NRXN1: variants seen among roughly 807,000 people sequenced by gnomAD.
The protein encoded by NRXN1 is neurexin 1, also known as neurexin-1.
A neutral mutation model predicts 150.9 loss-of-function variants in NRXN1; 39 were observed. That is an observed-to-expected ratio of 0.26 (90% confidence interval 0.20 to 0.34). NRXN1 has a LOEUF of 0.34. Ranked by LOEUF, NRXN1 falls within the 10% of genes least tolerant of loss-of-function variation. The pLI is 1.00. For synonymous variants in NRXN1, 924 were observed against 757.0 expected (o/e 1.22, Z -3.62); for missense variants, 1,815 against 1,949.9 (o/e 0.93, Z 1.30).
chr2:50,158,682 T>A (rs538040399), intron 18 of NRXN1, among the ~76,000 whole-genome samples: 2 of 152,246 alleles, frequency 1.3e-5, no homozygotes, highest in East Asian at 3.9e-4. Flanking sequence ...TGCAGCTGTA[T>A]CTTGTTGCAT....
At chr2:50,603,034 C>G (rs1676526042) in intron 8 of NRXN1, among the ~76,000 whole-genome samples, 1 of 152,162 alleles carries the variant, frequency 6.6e-6, no homozygotes. Flanking sequence ...TAACATCTAT[C>G]CTCTGGAAGA....
intron 17 of NRXN1, among the ~76,000 whole-genome samples, chr2:50,281,957 T>C (rs1319410853): frequency 6.6e-6 from 1 of 152,132 alleles, no homozygotes; most frequent in Non-Finnish European, 1.5e-5. Context: ...AAAATTTTAT[T>C]AATATTGAGA....
At chr2:50,385,164 C>A (rs541553209) in intron 17 of NRXN1, among the ~76,000 whole-genome samples, 1 of 152,242 alleles carries the variant, frequency 6.6e-6, no homozygotes, top group East Asian at 1.9e-4. Flanking sequence ...CTTCAATTTC[C>A]CCCAACTTTC....
intron 22 of NRXN1, among the ~76,000 whole-genome samples, chr2:49,931,738 G>C (rs1670154338): frequency 6.6e-6 from 1 of 152,028 alleles, no homozygotes; most frequent in Non-Finnish European, 1.5e-5. Context: ...CCAGAAAAAT[G>C]CAAGAAGAGT....
chr2:50,499,523 T>G (rs2091829926), intron 13 of NRXN1, among the ~76,000 whole-genome samples: 1 of 152,136 alleles, frequency 6.6e-6, no homozygotes, highest in Non-Finnish European at 1.5e-5. Context: ...TTCAATGACC[T>G]CAATATTGTT....
At chr2:50,350,876 T>C (rs938124110) in intron 17 of NRXN1, among the ~76,000 whole-genome samples, 4 of 152,034 alleles carry the variant, frequency 2.6e-5, no homozygotes, top group African/African-American at 9.7e-5. Context: ...AAAGAAGAAA[T>C]TGTAGCTGTA....
chr2:50,568,595 C>G lies in NRXN1; in HGVS notation c.1321-15570G>C, dbSNP rs72618639. Among the ~76,000 whole-genome samples, 4,587 of 152,204 alleles carry G rather than the reference C, an allele frequency of 0.03. 429 individuals are homozygous for G. The East Asian group carries it at 0.31, about 10-fold the overall frequency. ...GCAAATCAAAACTGCAATGAGATAT[C>G]AACTCATTCCAGTTAAAATGCCTTT... is the stretch of plus-strand genomic sequence containing the variant. On this transcript the variant is annotated intron_variant, in intron 8 of 22. Coordinates refer to ENST00000401669, the MANE Select transcript of NRXN1 (RefSeq NM_001330078.2).
At chr2:50,457,806 G>A (rs1011285798) in intron 17 of NRXN1, among the ~76,000 whole-genome samples, 3 of 151,914 alleles carry the variant, frequency 2.0e-5, no homozygotes, top group African/African-American at 4.8e-5. Context: ...CAGTTAATAT[G>A]GCTATTATAA....
At chr2:50,219,504 A>G (rs2063648536) in intron 18 of NRXN1, among the ~76,000 whole-genome samples, 1 of 151,984 alleles carries the variant, frequency 6.6e-6, no homozygotes, top group African/African-American at 2.4e-5. Context: ...AATAAAATAT[A>G]TAATTATTGA....
intron 17 of NRXN1, among the ~76,000 whole-genome samples, chr2:50,371,341 T>G (rs962150716): frequency 1.3e-5 from 2 of 152,060 alleles, no homozygotes; most frequent in African/African-American, 4.8e-5. Context: ...TTGCCTCTCT[T>G]CTTTAGGCTT....
chr2:50,033,283 G>A (rs1039410549), intron 21 of NRXN1, among the ~76,000 whole-genome samples: 16 of 151,806 alleles, frequency 1.1e-4, no homozygotes, highest in Admixed American at 9.2e-4. Flanking sequence ...ACAGACACAT[G>A]GACCAACAGA....
chr2:50,661,634 A>C (rs2104645898), intron 5 of NRXN1, among the ~76,000 whole-genome samples: 1 of 152,196 alleles, frequency 6.6e-6, no homozygotes, highest in East Asian at 1.9e-4. Flanking sequence ...ATGGTACAGC[A>C]ACATGAGTGA....
At chr2:50,959,233 A>AT (rs1164084394) in intron 2 of NRXN1, among the ~76,000 whole-genome samples, 4 of 152,094 alleles carry the variant, frequency 2.6e-5, no homozygotes, top group African/African-American at 9.7e-5. Context: ...CAGTTACCAC[A>AT]TGACCCAGTG....
intron 9 of NRXN1, among the ~76,000 whole-genome samples, chr2:50,550,591 T>C (rs1380083209): frequency 6.6e-6 from 1 of 152,022 alleles, no homozygotes; most frequent in Non-Finnish European, 1.5e-5. Context: ...AGAGATAGGC[T>C]GGAGGAAGTC....
intron 18 of NRXN1, among the ~76,000 whole-genome samples, chr2:50,107,266 A>C (rs1289721703): frequency 1.3e-5 from 2 of 151,532 alleles, no homozygotes; most frequent in East Asian, 3.9e-4. Context: ...TTAAAAAAAA[A>C]AAAAAAAAGA....
At position 50,265,459 on chromosome 2, in the gene NRXN1, T is replaced by A. The variant is rs2152917564; in HGVS notation, c.3365-28489A>T. ...GAGGGGAGAGTAACTGCACTGCTAA[T>A]CTCTCCAACAAAAGTGCTACTGTGA... On this transcript the variant is annotated intron_variant, in intron 17 of 22. Transcript: ENST00000401669. Among the ~76,000 whole-genome samples, 3 of 152,240 alleles carry A rather than the reference T, an allele frequency of 2.0e-5. No homozygotes were observed. In the Middle Eastern group the frequency reaches 0.01, roughly 518 times the overall value.
At chr2:50,627,995 A>G (rs1681479966) in intron 5 of NRXN1, among the ~76,000 whole-genome samples, 1 of 151,882 alleles carries the variant, frequency 6.6e-6, no homozygotes, top group African/African-American at 2.4e-5. Flanking sequence ...TAGTCTACTT[A>G]GTTTAAAAGA....
At chr2:49,985,513 T>G (rs992703891) in intron 21 of NRXN1, among the ~76,000 whole-genome samples, 1 of 152,218 alleles carries the variant, frequency 6.6e-6, no homozygotes, top group Non-Finnish European at 1.5e-5. Context: ...TAGAAAATGT[T>G]AGGCTTTATT....
At chr2:50,377,009 T>C (rs970476836) in intron 17 of NRXN1, among the ~76,000 whole-genome samples, 1 of 152,004 alleles carries the variant, frequency 6.6e-6, no homozygotes, top group Non-Finnish European at 1.5e-5. Flanking sequence ...ATTAGTGAGA[T>C]TGAACATCTT....
Sources: allele counts gnomAD v4.1 joint callset (sites outside exome capture counted in the v4.1 genomes callset), GRCh38; gene constraint gnomAD v4.1.1; transcripts MANE v1.5; gene names NCBI Gene and HGNC (gene_info 2026-07-23, HGNC 2026-07-21).